ELP3: variants seen among roughly 807,000 people sequenced by gnomAD.
ELP3 encodes the protein elongator acetyltransferase complex subunit 3, also known as elongator complex protein 3.
In ELP3, 56 loss-of-function variants were observed where a neutral mutation model predicts 74.9. The observed-to-expected ratio is 0.75, with a 90% confidence interval of 0.60 to 0.93. The LOEUF is 0.93. ELP3 is among the 40% of genes least tolerant of loss of function. The pLI is 0.00. For missense variants in ELP3, 573 were observed against 686.5 expected, an observed-to-expected ratio of 0.83 and a Z score of 1.85; for synonymous variants, 222 against 239.8, an observed-to-expected ratio of 0.93 and a Z score of 0.68.
intron 12 of ELP3, among the ~76,000 whole-genome samples, chr8:28,159,313 A>C (rs1813972909): frequency 6.6e-6 from 1 of 152,246 alleles, no homozygotes; most frequent in South Asian, 2.1e-4. Flanking sequence ...TTCTGTTCTC[A>C]GCATGAATCA....
chr8:28,162,991 G>C (rs572190125), intron 14 of ELP3, among the ~76,000 whole-genome samples: 1 of 152,288 alleles, frequency 6.6e-6, no homozygotes, highest in Non-Finnish European at 1.5e-5. Flanking sequence ...GCCATTTTCT[G>C]ATTCCTTCAC....
chr8:28,186,186 G>A (rs915079290), intron 14 of ELP3, among the ~76,000 whole-genome samples: 2 of 152,158 alleles, frequency 1.3e-5, no homozygotes, highest in Non-Finnish European at 2.9e-5. Flanking sequence ...GAGAGGGGGA[G>A]CAAGTAGGGT....
intron 14 of ELP3, among the ~76,000 whole-genome samples, chr8:28,176,741 T>G (rs879820744): frequency 4.6e-5 from 7 of 152,226 alleles, no homozygotes; most frequent in Non-Finnish European, 8.8e-5. Flanking sequence ...GGGGTCCCTC[T>G]TCCTACCAGG....
chr8:28,153,589 A>T (rs1414761212), intron 10 of ELP3, among the ~76,000 whole-genome samples: 1 of 152,156 alleles, frequency 6.6e-6, no homozygotes, highest in Non-Finnish European at 1.5e-5. Flanking sequence ...ACAGAGCATC[A>T]TTTATGACTG....
At chr8:28,118,296 A>G (rs1028668596) in intron 7 of ELP3, among the ~76,000 whole-genome samples, 14 of 152,152 alleles carry the variant, frequency 9.2e-5, no homozygotes, top group African/African-American at 2.9e-4. Context: ...CTATGTTTTC[A>G]TATGTTGAAC....
rs1339651004 is a variant in ELP3, at chr8:28,190,381, C to CA, written c.*659dup. Reference sequence around the variant, plus strand: ...AGTCTACCATCCGAGACGGCGATGACAAAGAGCTTCATTCCACATTCTTTG... The same window carrying CA: ...AGTCTACCATCCGAGACGGCGATGACAAAAGAGCTTCATTCCACATTCTTTG... On this transcript the variant is annotated 3_prime_UTR_variant, in exon 15 of 15. Coordinates refer to ENST00000256398, the MANE Select transcript of ELP3 (RefSeq NM_018091.6). 6.6e-6 allele frequency: 1 copy of CA among 152,312 alleles called. No individual in the cohort carries two copies. 9.4% of individuals were successfully genotyped at this position (152,312 alleles called of 1,614,324 possible).
At chr8:28,163,375 T>A (rs1166924782) in intron 14 of ELP3, among the ~76,000 whole-genome samples, 1 of 151,680 alleles carries the variant, frequency 6.6e-6, no homozygotes, top group Non-Finnish European at 1.5e-5. Flanking sequence ...TGAGGTTTTT[T>A]AAAAAAAAAT....
At chr8:28,188,580 G>C (rs909938788) in intron 14 of ELP3, among the ~76,000 whole-genome samples, 8 of 152,174 alleles carry the variant, frequency 5.3e-5, no homozygotes, top group Admixed American at 1.3e-4. Flanking sequence ...TTTTCATTTT[G>C]GCAAACACAT....
intron 10 of ELP3, among the ~76,000 whole-genome samples, chr8:28,148,988 T>C (rs908194731): frequency 3.3e-5 from 5 of 152,176 alleles, no homozygotes; most frequent in African/African-American, 1.2e-4. Flanking sequence ...AGTTACTCAA[T>C]ATAAGAGGCC....
At chr8:28,093,100 A>AC, upstream of ELP3, 1 of 1,521,802 alleles carries the variant, frequency 6.6e-7, no homozygotes, top group Non-Finnish European at 9.0e-7. Context: ...GCTTTACGAT[A>AC]CATTGACCGA....
At chr8:28,188,628 G>A (rs1199164223) in intron 14 of ELP3, among the ~76,000 whole-genome samples, 2 of 152,246 alleles carry the variant, frequency 1.3e-5, no homozygotes, top group Middle Eastern at 3.4e-3. Context: ...AACGCGGTGG[G>A]GACAAACACT....
At chr8:28,189,548 G>T in intron 14 of ELP3, 101 bp from the exon 15 acceptor site, 1 of 979,676 alleles carries the variant, frequency 1.0e-6, no homozygotes, top group Non-Finnish European at 1.6e-6. Context: ...GAGAGAATTT[G>T]GTCTCTGGGT....
chr8:28,098,203 AT>A (rs139059025), intron 2 of ELP3, among the ~76,000 whole-genome samples: 4,159 of 147,532 alleles, frequency 0.028, 210 homozygotes, highest in African/African-American at 0.099. Context: ...CTCTGCATCT[AT>A]TTTTTTTTTC....
chr8:28,135,742 C>T (rs542850497), intron 9 of ELP3, among the ~76,000 whole-genome samples: 1 of 152,242 alleles, frequency 6.6e-6, no homozygotes, highest in Non-Finnish European at 1.5e-5. Context: ...TTCTTGGTAC[C>T]TCTGATCCGT....
At chr8:28,132,741 A>G (rs1331880324) in intron 9 of ELP3, among the ~76,000 whole-genome samples, 2 of 152,148 alleles carry the variant, frequency 1.3e-5, no homozygotes, top group South Asian at 2.1e-4. Flanking sequence ...GCATTTATCC[A>G]TGTTGTAGCC....
intron 8 of ELP3, among the ~76,000 whole-genome samples, chr8:28,132,007 C>G (rs1812801318): frequency 6.6e-6 from 1 of 152,110 alleles, no homozygotes; most frequent in South Asian, 2.1e-4. Flanking sequence ...ACTTTCAAGA[C>G]TTTAAGTAGA....
intron 14 of ELP3, among the ~76,000 whole-genome samples, chr8:28,176,542 C>G (rs1814762523): frequency 6.6e-6 from 1 of 152,160 alleles, no homozygotes; most frequent in Non-Finnish European, 1.5e-5. Flanking sequence ...AGTTTTACAG[C>G]CTCTCCCTCA....
intron 7 of ELP3, among the ~76,000 whole-genome samples, chr8:28,127,435 A>G (rs2130449703): frequency 2.0e-5 from 3 of 152,188 alleles, no homozygotes; most frequent in Middle Eastern, 6.8e-3. Context: ...GGATATTCTC[A>G]TTTACTTTTA....
intron 14 of ELP3, among the ~76,000 whole-genome samples, chr8:28,164,709 A>G (rs748354442): frequency 3.5e-4 from 54 of 152,160 alleles, no homozygotes; most frequent in Non-Finnish European, 4.9e-4. Context: ...TATTTCTCCA[A>G]TTTAGTAATC....
Sources: allele counts gnomAD v4.1 joint callset (sites outside exome capture counted in the v4.1 genomes callset), GRCh38; gene constraint gnomAD v4.1.1; transcripts MANE v1.5; gene names NCBI Gene and HGNC (gene_info 2026-07-23, HGNC 2026-07-21).